The following GRIP1 variants were observed in gnomAD, a reference collection of about 807,000 sequenced individuals.
GRIP1 encodes the protein glutamate receptor-interacting protein 1.
GRIP1 carries 45 observed loss-of-function variants against 129.9 expected under a neutral mutation model. The observed-to-expected ratio is 0.35, with a 90% CI of 0.27 to 0.44. The LOEUF (loss-of-function observed/expected upper bound fraction) is 0.44. GRIP1 is among the 20% of genes least tolerant of loss of function. GRIP1 has a pLI of 1.00. For missense variants in GRIP1, 1,196 were observed against 1,396.8 expected (o/e 0.86, Z 2.29); for synonymous variants, 530 against 520.8 (o/e 1.02, Z -0.24).
rs551492964 is a variant in GRIP1, at chr12:66,445,310, A to C, written c.1541+12T>G. ...AGAGCAGAAAATGATGCTGTGAAAGAAAGTGTCTCACCTCTCTGCTGGGCT... is the reference window on the plus strand; with the variant it reads ...AGAGCAGAAAATGATGCTGTGAAAGCAAGTGTCTCACCTCTCTGCTGGGCT... On this transcript the variant is annotated intron_variant, in intron 12 of 24. Transcript: ENST00000359742. 1 of 1,610,162 alleles carries C rather than the reference A, an allele frequency of 6.2e-7. No individual in the cohort carries two copies. The highest frequency in any genetic ancestry group is 2.2e-5 in the East Asian group (1 of 44,870).
At chr12:66,504,423 T>C (rs1450578318) in intron 7 of GRIP1, among the ~76,000 whole-genome samples, 3 of 152,224 alleles carry the variant, frequency 2.0e-5, no homozygotes, top group Non-Finnish European at 4.4e-5. Context: ...GAATTAGATA[T>C]GGACTGGTTC....
intron 19 of GRIP1, among the ~76,000 whole-genome samples, chr12:66,386,230 A>C (rs1474007373): frequency 6.6e-6 from 1 of 152,156 alleles, no homozygotes; most frequent in Non-Finnish European, 1.5e-5. Context: ...ACCTTGTAAT[A>C]TTTGGTTTTC....
chr12:66,994,451 AAAACACTCAAT>A (rs2042438434), intron 1 of GRIP1, among the ~76,000 whole-genome samples: 1 of 152,002 alleles, frequency 6.6e-6, no homozygotes, highest in Non-Finnish European at 1.5e-5. Context: ...GATAAAAAAA[AAAACACTCAAT>A]AAACCAGGAA....
chr12:66,962,267 C>T (rs1202203100), intron 1 of GRIP1, among the ~76,000 whole-genome samples: 1 of 152,018 alleles, frequency 6.6e-6, no homozygotes, highest in African/African-American at 2.4e-5. Context: ...TGGATGGAAA[C>T]CTACTAACAG....
At chr12:66,559,155 C>CA (rs2062432390) in intron 2 of GRIP1, among the ~76,000 whole-genome samples, 1 of 149,954 alleles carries the variant, frequency 6.7e-6, no homozygotes, top group Non-Finnish European at 1.5e-5. Context: ...AAAAAACCCT[C>CA]AAAAAACAGG....
At chr12:66,815,903 G>T (rs190938413) in intron 1 of GRIP1, among the ~76,000 whole-genome samples, 6 of 141,276 alleles carry the variant, frequency 4.2e-5, no homozygotes, top group African/African-American at 1.3e-4. Flanking sequence ...TCATATTAAG[G>T]TCTGAGTGGT....
chr12:66,565,737 T>C (rs938949974), intron 2 of GRIP1, among the ~76,000 whole-genome samples: 5 of 152,210 alleles, frequency 3.3e-5, no homozygotes, highest in African/African-American at 1.2e-4. Context: ...TTTCACGATA[T>C]TGATTCTTCC....
intron 2 of GRIP1, among the ~76,000 whole-genome samples, chr12:66,588,293 G>A (rs1338550765): frequency 6.6e-6 from 1 of 151,976 alleles, no homozygotes; most frequent in Non-Finnish European, 1.5e-5. Flanking sequence ...TCGCCTCCTC[G>A]GTTTCTCCTG....
At chr12:66,638,204 A>C (rs1340397171) in intron 1 of GRIP1, among the ~76,000 whole-genome samples, 5 of 152,198 alleles carry the variant, frequency 3.3e-5, no homozygotes, top group Admixed American at 3.3e-4. Context: ...TGAGAGTAAA[A>C]GGTTATGAAT....
chr12:66,363,784 T>C (rs545544620), intron 23 of GRIP1, among the ~76,000 whole-genome samples: 62 of 152,130 alleles, frequency 4.1e-4, no homozygotes, highest in Non-Finnish European at 5.7e-4. Context: ...TCTGAAAAAG[T>C]TGAACTCGTA....
At chr12:66,681,572 G>A (rs972396944), upstream of GRIP1, among the ~76,000 whole-genome samples, 3 of 152,164 alleles carry the variant, frequency 2.0e-5, no homozygotes, top group Non-Finnish European at 4.4e-5. Context: ...GTGTCTTTGG[G>A]ACCTGTCATG....
At chr12:67,034,850 C>T (rs956260443) in intron 1 of GRIP1, among the ~76,000 whole-genome samples, 2 of 152,212 alleles carry the variant, frequency 1.3e-5, no homozygotes, top group African/African-American at 4.8e-5. Context: ...CTGACCAAAA[C>T]CTCATTATGC....
chr12:67,062,468 C>T (rs530515221), intron 1 of GRIP1, among the ~76,000 whole-genome samples: 8 of 152,260 alleles, frequency 5.3e-5, no homozygotes, highest in East Asian at 1.9e-4. Flanking sequence ...ATCTCCTCCC[C>T]TTCCTTCAAG....
chr12:66,923,841 G>GC (rs1477041621), intron 1 of GRIP1, among the ~76,000 whole-genome samples: 2 of 151,822 alleles, frequency 1.3e-5, no homozygotes, highest in African/African-American at 4.8e-5. Context: ...TAATTTTTCA[G>GC]CATTTTTTTT....
chr12:66,684,013 C>T (rs939340510), upstream of GRIP1, among the ~76,000 whole-genome samples: 105 of 152,280 alleles, frequency 6.9e-4, 2 homozygotes, highest in African/African-American at 2.4e-3. Flanking sequence ...GCTGCGTGAC[C>T]TTGGGCAAGT....
intron 1 of GRIP1, among the ~76,000 whole-genome samples, chr12:66,724,013 T>C (rs1200852814): frequency 1.3e-5 from 2 of 152,190 alleles, no homozygotes; most frequent in Non-Finnish European, 2.9e-5. Flanking sequence ...CCTTGTGCCA[T>C]AACATCTTGA....
intron 2 of GRIP1, among the ~76,000 whole-genome samples, chr12:66,578,185 A>T (rs2870855): frequency 0.24 from 35,988 of 148,962 alleles, 4,534 homozygotes; most frequent in Admixed American, 0.27. Flanking sequence ...GTGGATCAAC[A>T]GAGGGCAGGA....
intron 1 of GRIP1, among the ~76,000 whole-genome samples, chr12:66,859,195 G>A (rs116961385): frequency 3.7e-3 from 480 of 130,280 alleles, no homozygotes; most frequent in South Asian, 0.011. Flanking sequence ...AATACTAAAC[G>A]CAACAAATTG....
At chr12:66,379,694 C>A (rs896216947) in intron 19 of GRIP1, among the ~76,000 whole-genome samples, 1 of 152,132 alleles carries the variant, frequency 6.6e-6, no homozygotes, top group African/African-American at 2.4e-5. Context: ...CGGCTTAGAA[C>A]AGTGGTTTCA....
Sources: allele counts gnomAD v4.1 joint callset (sites outside exome capture counted in the v4.1 genomes callset), GRCh38; gene constraint gnomAD v4.1.1; transcripts MANE v1.5; gene names NCBI Gene and HGNC (gene_info 2026-07-23, HGNC 2026-07-21).